NCR3LG1: variants seen among roughly 807,000 people sequenced by gnomAD.
The protein encoded by NCR3LG1 is natural cytotoxicity triggering receptor 3 ligand 1.
In NCR3LG1, 35 loss-of-function variants were observed where a neutral mutation model predicts 34.8. The observed-to-expected ratio is 1.01, with a 90% confidence interval of 0.77 to 1.33. The LOEUF (loss-of-function observed/expected upper bound fraction) is 1.33, where lower values mean the gene tolerates loss of function less well. Ranked by LOEUF, NCR3LG1 falls within the 40% of genes most tolerant of loss-of-function variation. The pLI is 0.00. For synonymous variants in NCR3LG1, 173 were observed against 163.6 expected, an observed-to-expected ratio of 1.06 and a Z score of -0.44; for missense variants, 452 against 423.3, an observed-to-expected ratio of 1.07 and a Z score of -0.60.
chr11:17,353,561 C>T (rs906289284), intron 1 of NCR3LG1, among the ~76,000 whole-genome samples: 1 of 152,212 alleles, frequency 6.6e-6, no homozygotes, highest in Non-Finnish European at 1.5e-5. Flanking sequence ...CCCTCCCGGG[C>T]CCGGCGCCCC....
downstream of NCR3LG1, among the ~76,000 whole-genome samples, chr11:17,377,890 T>G (rs929642762): frequency 2.0e-4 from 31 of 152,308 alleles, no homozygotes; most frequent in African/African-American, 7.0e-4. Context: ...TCAGATGCGC[T>G]GAACAAAGAG....
chr11:17,356,431 C>A (rs549477398), intron 1 of NCR3LG1, among the ~76,000 whole-genome samples: 1 of 152,228 alleles, frequency 6.6e-6, no homozygotes, highest in Non-Finnish European at 1.5e-5. Context: ...GCCACCGTGC[C>A]TGGCCTCATG....
In NCR3LG1 at chr11:17,373,993, T is replaced by C. The variant is rs11024271; in HGVS notation, c.*1481T>C. 0.71 allele frequency: 107,889 copies of C among 152,036 alleles called. 39,728 individuals are homozygous for C. Among genetic ancestry groups the C allele is most frequent in the African/African-American group, 0.93 (38,598 of 41,498 alleles). The allele number at this position is 152,036 out of a possible 1,614,324, so 9.4% of individuals were successfully genotyped here. On this transcript the variant is annotated 3_prime_UTR_variant, in exon 5 of 5. Transcript: ENST00000338965. ...TTTTTCCTAACCAGAGACAATACCC[T>C]CTGAAGCCAGAAAGTAGAAAAGGGC...
At chr11:17,356,263 G>A (rs1953203969) in intron 1 of NCR3LG1, among the ~76,000 whole-genome samples, 1 of 149,888 alleles carries the variant, frequency 6.7e-6, no homozygotes, top group Non-Finnish European at 1.5e-5. Context: ...TTAGCCTCCC[G>A]AGTAGCTGGG....
In NCR3LG1 at chr11:17,367,348, G is replaced by C. The variant is rs1215207985; in HGVS notation, c.760+1G>C. The C allele has an allele frequency of 1.3e-6, 2 of 1,529,764 alleles. No individual in the cohort carries two copies. Among genetic ancestry groups the C allele is most frequent in the Non-Finnish European group, 8.8e-7 (1 of 1,142,782 alleles). The allele number at this position is 1,529,764 out of a possible 1,614,324, so 94.8% of individuals were successfully genotyped here. On this transcript the variant is annotated splice_donor_variant, in intron 3 of 4. Coordinates refer to ENST00000338965, the MANE Select transcript of NCR3LG1 (RefSeq NM_001202439.3). LOFTEE classifies it high-confidence loss of function. ...ACTGCTGCTCGGCACAGTCTTTCTG[G>C]TAAGGGTCTTTCTGGACATTTCTTC...
chr11:17,369,050 C>T, intron 4 of NCR3LG1, 86 bp downstream of exon 4: 1 of 787,092 alleles, frequency 1.3e-6, no homozygotes, highest in South Asian at 1.8e-5. Context: ...TTACAAGCCT[C>T]AAGGGACAGG....
At chr11:17,353,418 A>G (rs11608045) in intron 1 of NCR3LG1, among the ~76,000 whole-genome samples, 2 of 151,996 alleles carry the variant, frequency 1.3e-5, no homozygotes, top group South Asian at 4.1e-4. Flanking sequence ...AACGCCTGTC[A>G]CTGCGGTCTG....
chr11:17,368,845 T>G, intron 3 of NCR3LG1, 22 bp from the exon 4 acceptor site: 1 of 1,477,010 alleles, frequency 6.8e-7, no homozygotes, highest in Admixed American at 2.0e-5. Flanking sequence ...TTCCTGCTAA[T>G]GTTTTCCTTC....
chr11:17,362,903 T>TCCCCTCCCA (rs1564856643), intron 2 of NCR3LG1, among the ~76,000 whole-genome samples: 1 of 33,948 alleles, frequency 2.9e-5, no homozygotes, highest in African/African-American at 1.3e-4. Flanking sequence ...CTCCCCTCCC[T>TCCCCTCCCA]TCCCTTCCCT....
intron 2 of NCR3LG1, among the ~76,000 whole-genome samples, chr11:17,361,129 T>C (rs1953265167): frequency 6.6e-6 from 1 of 152,174 alleles, no homozygotes; most frequent in Admixed American, 6.5e-5. Flanking sequence ...TCAGGTAGTG[T>C]TAGTCCCTCA....
chr11:17,356,535 C>T (rs72865016), intron 1 of NCR3LG1, 116 bp from the exon 2 acceptor site: 3 of 725,298 alleles, frequency 4.1e-6, no homozygotes, highest in African/African-American at 3.6e-5. Context: ...TACCATCACA[C>T]TGGGGGTCAG....
chr11:17,363,576 C>CTCTTT (rs112741886), intron 2 of NCR3LG1, among the ~76,000 whole-genome samples: 28,820 of 124,252 alleles, frequency 0.23, 4,208 homozygotes, highest in East Asian at 0.53. Context: ...TCCTCTTTCT[C>CTCTTT]TCTTTTCTTT....
chr11:17,364,710 C>A (rs6486364), intron 2 of NCR3LG1, among the ~76,000 whole-genome samples: 26,933 of 151,246 alleles, frequency 0.18, 4,514 homozygotes, highest in African/African-American at 0.43. Flanking sequence ...CCACCCCTGG[C>A]TAATTTTGTA....
chr11:17,364,281 G>A (rs546410256), intron 2 of NCR3LG1, among the ~76,000 whole-genome samples: 1 of 152,202 alleles, frequency 6.6e-6, no homozygotes, highest in South Asian at 2.1e-4. Context: ...TGCAACCTCT[G>A]CTTCCCAGGT....
At chr11:17,363,362 T>G (rs1468110870) in intron 2 of NCR3LG1, among the ~76,000 whole-genome samples, 1 of 152,198 alleles carries the variant, frequency 6.6e-6, no homozygotes, top group African/African-American at 2.4e-5. Flanking sequence ...TTTTTCTCTT[T>G]TTTAAGTTTC....
intron 4 of NCR3LG1, 100 bp downstream of exon 4, chr11:17,369,064 G>T (rs1021456725): frequency 2.9e-6 from 2 of 692,530 alleles, no homozygotes; most frequent in African/African-American, 1.8e-5. Context: ...GGACAGGCCT[G>T]CTGGAAAGGA....
rs1012959308 is a variant in NCR3LG1 at position 17,351,926 on chromosome 11, T to C, written c.-44T>C. ...TGCCCTTGGTTTCTACCGGGCCGCC[T>C]GCTCCCACTCGGCGAAAAAAATTAC... On this transcript the variant is annotated 5_prime_UTR_variant, in exon 1 of 5. Transcript: ENST00000338965. The C allele has an allele frequency of 3.4e-6, 5 of 1,474,638 alleles. No homozygotes were observed. In the South Asian group the frequency reaches 3.6e-5, roughly 11 times the overall value. 91.3% of individuals were successfully genotyped at this position (1,474,638 alleles called of 1,614,324 possible). A position where few individuals can be genotyped will look rare whatever the true frequency, so the allele number is the denominator to read the frequency against.
chr11:17,372,407 C>T lies in NCR3LG1; in HGVS notation c.1260C>T (p.Ala420=). 2.8e-6 allele frequency: 2 copies of T among 703,192 alleles called. No homozygotes were observed. The highest frequency in any genetic ancestry group is 2.7e-5 in the East Asian group (1 of 37,284). The allele number at this position is 703,192 out of a possible 1,614,324, so 43.6% of individuals were successfully genotyped here. ...AACACTCGGATGCAGTTCCGGATGC[C>T]CCAATCCTTCCTGTCTCCCCTATCT... ...PREHSDAVPD[A]PILPVSPIWE... is the part of the protein sequence containing the mutation. The change falls in exon 5 of 5, where the codon GCC becomes GCT. Residue 420 remains alanine (A), a synonymous_variant. Coordinates refer to ENST00000338965, the MANE Select transcript of NCR3LG1 (RefSeq NM_001202439.3).
At position 17,375,169 on chromosome 11, in the gene NCR3LG1, G is replaced by A. The variant is rs1427320292; in HGVS notation, c.*2657G>A. The A allele has an allele frequency of 2.0e-5, 3 of 152,232 alleles. No individual in the cohort carries two copies. Among genetic ancestry groups the A allele is most frequent in the Non-Finnish European group, 2.9e-5 (2 of 68,040 alleles). 9.4% of individuals were successfully genotyped at this position (152,232 alleles called of 1,614,324 possible). A position where few individuals can be genotyped will look rare whatever the true frequency, so the allele number is the denominator to read the frequency against. ...GGCTAACAGACAGCTGCCTCCTCAAGTATCAGACTTTGCTGCTAGAGGAAT... is the reference window on the plus strand; with the variant it reads ...GGCTAACAGACAGCTGCCTCCTCAAATATCAGACTTTGCTGCTAGAGGAAT... On this transcript the variant is annotated 3_prime_UTR_variant, in exon 5 of 5. Transcript: ENST00000338965.
Sources: allele counts gnomAD v4.1 joint callset (sites outside exome capture counted in the v4.1 genomes callset), GRCh38; gene constraint gnomAD v4.1.1; transcripts MANE v1.5; gene names NCBI Gene and HGNC (gene_info 2026-07-23, HGNC 2026-07-21).